The following AGL variants were observed in gnomAD, a reference collection of about 807,000 sequenced individuals.
AGL encodes amylo-alpha-1,6-glucosidase and 4-alpha-glucanotransferase.
A neutral mutation model predicts 199.3 loss-of-function variants in AGL; 128 were observed. The observed-to-expected ratio is 0.64, with a 90% CI of 0.56 to 0.74. AGL has a LOEUF of 0.74. Among genes scored for constraint, AGL ranks in the 30% least tolerant of loss-of-function variants. AGL has a pLI of 0.00. For missense variants in AGL, 1,809 were observed against 1,820.8 expected (o/e 0.99, Z 0.12); for synonymous variants, 584 against 594.7 (o/e 0.98, Z 0.26).
In AGL at chr1:99,902,814, A is replaced by T; in HGVS notation, c.3700+20A>T. ...ACGAAGGTACAGAACTTTAACTAAAATAGTACAAATTTATCAAGGTGATGA... is the reference window on the plus strand; with the variant it reads ...ACGAAGGTACAGAACTTTAACTAAATTAGTACAAATTTATCAAGGTGATGA... On this transcript the variant is annotated intron_variant, in intron 27 of 33. Transcript: ENST00000361915. 1 of 1,557,222 alleles carries T rather than the reference A, an allele frequency of 6.4e-7. No individual in the cohort carries two copies. The highest frequency in any genetic ancestry group is 8.9e-7 in the Non-Finnish European group (1 of 1,129,216).
At chr1:99,898,399 G>T (rs1348249670) in intron 25 of AGL, among the ~76,000 whole-genome samples, 1 of 152,066 alleles carries the variant, frequency 6.6e-6, no homozygotes, top group African/African-American at 2.4e-5. Context: ...AAGAAAGCAT[G>T]TGCAACAGAA....
intron 33 of AGL, 91 bp from the exon 34 acceptor site, chr1:99,921,443 C>G (rs1478211633): frequency 1.2e-6 from 1 of 848,114 alleles, no homozygotes; most frequent in Non-Finnish European, 2.0e-6. Flanking sequence ...TGATTATTTT[C>G]TACACTAGAA....
intron 25 of AGL, among the ~76,000 whole-genome samples, chr1:99,898,746 T>G (rs1256497769): frequency 2.0e-5 from 3 of 152,080 alleles, no homozygotes; most frequent in Admixed American, 2.0e-4. Context: ...GAAAGAGAGC[T>G]GGGGGAACAC....
chr1:99,881,172 C>T lies in AGL; in HGVS notation c.1996C>T (p.His666Tyr), dbSNP rs766892390. The T allele has an allele frequency of 1.2e-6, 2 of 1,613,646 alleles. No individual in the cohort carries two copies. The highest frequency in any genetic ancestry group is 2.2e-5 in the South Asian group (2 of 91,078). The stretch of plus-strand genomic sequence containing the variant: ...AAGAGGCTATGATGAATTAGTGCCT[C>T]ATCAGGTTTGTTTATATGTTGTTTC... Reference protein sequence around the residue: ...STRGYDELVPHQISVVSEERF... With the variant: ...STRGYDELVPYQISVVSEERF... Residue 666 changes from histidine (H) to tyrosine (Y), a missense_variant, in exon 15 of 34, where the codon CAT becomes TAT. Coordinates refer to ENST00000361915, the MANE Select transcript of AGL (RefSeq NM_000642.3).
intron 17 of AGL, among the ~76,000 whole-genome samples, chr1:99,883,306 A>G (rs892578069): frequency 1.3e-5 from 2 of 152,158 alleles, no homozygotes; most frequent in African/African-American, 4.8e-5. Context: ...TTGAAATTTT[A>G]TATAATCCAT....
rs1016871574 is a variant in AGL at position 99,874,218 on chromosome 1, G to A, written c.959-469G>A. Among the ~76,000 whole-genome samples, 5 of 148,974 alleles carry A rather than the reference G, an allele frequency of 3.4e-5. No individual in the cohort carries two copies. The South Asian group carries it at 8.6e-4, about 26-fold the overall frequency. On this transcript the variant is annotated intron_variant, in intron 7 of 33. Coordinates refer to ENST00000361915, the MANE Select transcript of AGL (RefSeq NM_000642.3). Reference sequence around the variant, plus strand: ...TGAGGTTAGAATATTTGGTAGCACCGGGGAGGAAAACGGGTTCCACTAAAG... The same window carrying A: ...TGAGGTTAGAATATTTGGTAGCACCAGGGAGGAAAACGGGTTCCACTAAAG...
At chr1:99,873,393 C>T (rs1571248575) in intron 7 of AGL, among the ~76,000 whole-genome samples, 1 of 150,998 alleles carries the variant, frequency 6.6e-6, no homozygotes, top group Admixed American at 6.6e-5. Flanking sequence ...ATACTGATGG[C>T]ATAGCTTTTT....
chr1:99,897,988 G>A (rs1653466644), intron 25 of AGL, among the ~76,000 whole-genome samples: 1 of 151,770 alleles, frequency 6.6e-6, no homozygotes, highest in South Asian at 2.1e-4. Flanking sequence ...TAGATTATTG[G>A]TTAGCAAACT....
In AGL at chr1:99,863,275, T is replaced by C. The variant is rs1650220585; in HGVS notation, c.460+852T>C. Among the ~76,000 whole-genome samples, 3 of 152,052 alleles carry C rather than the reference T, an allele frequency of 2.0e-5. No individual in the cohort carries two copies. In the South Asian group the frequency reaches 6.2e-4, roughly 32 times the overall value. On this transcript the variant is annotated intron_variant, in intron 4 of 33. Transcript: ENST00000361915. ...TTGATACTTAACCATTTTTAACCTATAAAAATGGCAAATTTTGTGGTTCAG... is the reference window on the plus strand; with the variant it reads ...TTGATACTTAACCATTTTTAACCTACAAAAATGGCAAATTTTGTGGTTCAG...
intron 27 of AGL, 89 bp from the exon 28 acceptor site, chr1:99,910,623 A>G: frequency 1.5e-6 from 1 of 651,470 alleles, no homozygotes; most frequent in Non-Finnish European, 2.2e-6. Context: ...AGTTTATTAT[A>G]TTTAAAATTT....
chr1:99,906,840 T>C (rs1654327132), intron 27 of AGL, among the ~76,000 whole-genome samples: 2 of 152,228 alleles, frequency 1.3e-5, no homozygotes, highest in Non-Finnish European at 2.9e-5. Context: ...AACATGTGTA[T>C]GCAAATATCT....
At chr1:99,903,954 T>G (rs1654054103) in intron 27 of AGL, among the ~76,000 whole-genome samples, 3 of 152,260 alleles carry the variant, frequency 2.0e-5, no homozygotes, top group Middle Eastern at 3.4e-3. Context: ...TTGATGGGGT[T>G]GTTTGTTTTT....
intron 14 of AGL, 56 bp from the exon 15 acceptor site, chr1:99,881,020 T>C (rs1651970052): frequency 1.4e-6 from 2 of 1,416,740 alleles, no homozygotes; most frequent in Admixed American, 1.7e-5. Context: ...TGCTATAGAA[T>C]AGCACTTTGC....
Position 99,900,682 on chromosome 1 carries a change from C to G in AGL, c.3409C>G (p.Pro1137Ala). Residue 1137 changes from proline to alanine, a missense_variant, in exon 26 of 34, where the codon CCT (proline) becomes GCT (alanine). Coordinates refer to ENST00000361915, the MANE Select transcript of AGL (RefSeq NM_000642.3). ...FAGTLRHGLI[P>A]NLLGEGIYAR... ...GGGTACCCTGAGGCATGGTCTCATTCCTAATCTACTGGGTGAAGGAATTTA... is the reference window on the plus strand; with the variant it reads ...GGGTACCCTGAGGCATGGTCTCATTGCTAATCTACTGGGTGAAGGAATTTA... 1 of 1,614,074 alleles carries G rather than the reference C, an allele frequency of 6.2e-7. No individual in the cohort carries two copies.
intron 27 of AGL, among the ~76,000 whole-genome samples, chr1:99,909,823 T>TG (rs1422557063): frequency 6.6e-6 from 1 of 152,164 alleles, no homozygotes; most frequent in African/African-American, 2.4e-5. Context: ...CAGGGAAAAA[T>TG]GAGTCTTCTC....
At chr1:99,863,324 AATGAAACACTTATCATTTCTAAG>A (rs1650223887) in intron 4 of AGL, among the ~76,000 whole-genome samples, 1 of 152,164 alleles carries the variant, frequency 6.6e-6, no homozygotes, top group South Asian at 2.1e-4. Flanking sequence ...GGAACTCCAT[AATGAAACACTTATCATTTCTAAG>A]ACTTTACCAT....
rs1321766083 is a variant in AGL, at chr1:99,870,834, A to G, written c.923A>G (p.Lys308Arg). ...GAATTTTTCCAAGTAGATGTCAACA[A>G]AGCGGTTGAGCAATTTAGAAGACTT... The part of the protein sequence containing the change: ...LWEFFQVDVN[K>R]AVEQFRRLLT... The change falls in exon 7 of 34, where the codon AAA (lysine) becomes AGA (arginine). Residue 308 changes from lysine (K) to arginine (R), a missense_variant. Coordinates refer to ENST00000361915, the MANE Select transcript of AGL (RefSeq NM_000642.3). 1 of 1,610,164 alleles carries G rather than the reference A, an allele frequency of 6.2e-7. No individual in the cohort carries two copies. The highest frequency in any genetic ancestry group is 1.7e-5 in the Admixed American group (1 of 60,006).
chr1:99,867,585 T>A (rs1005162558), intron 5 of AGL, among the ~76,000 whole-genome samples: 12 of 151,442 alleles, frequency 7.9e-5, no homozygotes, highest in Admixed American at 2.0e-4. Flanking sequence ...AGACGGAGTC[T>A]CCTTCTGTCG....
chr1:99,916,823 G>A, intron 33 of AGL, 92 bp downstream of exon 33: 1 of 1,373,418 alleles, frequency 7.3e-7, no homozygotes, highest in Non-Finnish European at 1.0e-6. Context: ...ATTGATTTCT[G>A]TATGCCCTAG....
Sources: gnomAD v4.1 joint callset for allele counts (sites outside exome capture counted in the v4.1 genomes callset) on GRCh38, gnomAD v4.1.1 for gene constraint, MANE v1.5 for transcripts, NCBI Gene and HGNC (gene_info 2026-07-23, HGNC 2026-07-21) for gene names.